The following APBB2 variants were observed in gnomAD, a reference collection of about 807,000 sequenced individuals.
The protein encoded by APBB2 is amyloid beta precursor protein binding family B member 2.
Under a neutral mutation model 82.5 loss-of-function variants are expected in APBB2, and 38 were observed. The ratio of observed to expected loss-of-function variants is 0.46; its 90% CI spans 0.36 to 0.60. The LOEUF (loss-of-function observed/expected upper bound fraction) is 0.60, where lower values mean the gene tolerates loss of function less well. APBB2 is among the 20% of genes least tolerant of loss of function. The pLI is 0.00. For missense variants in APBB2, 772 were observed against 972.3 expected, an observed-to-expected ratio of 0.79 and a Z score of 2.74; for synonymous variants, 341 against 368.2, an observed-to-expected ratio of 0.93 and a Z score of 0.85.
chr4:41,105,865 G>A (rs1580081368), intron 2 of APBB2, among the ~76,000 whole-genome samples: 1 of 140,648 alleles, frequency 7.1e-6, no homozygotes, highest in Non-Finnish European at 1.5e-5. Context: ...CAGCCTGGGC[G>A]ACAGAGCGAG....
intron 10 of APBB2, among the ~76,000 whole-genome samples, chr4:40,904,394 G>A (rs1776134215): frequency 6.6e-6 from 1 of 151,914 alleles, no homozygotes; most frequent in African/African-American, 2.4e-5. Flanking sequence ...TGGCGCCACT[G>A]CACTCCAGCC....
chr4:40,894,110 A>C (rs1772943567), intron 10 of APBB2, among the ~76,000 whole-genome samples: 1 of 152,048 alleles, frequency 6.6e-6, no homozygotes, highest in Admixed American at 6.6e-5. Flanking sequence ...AACACGGTGA[A>C]GCACCGTCTC....
chr4:40,959,049 C>T (rs1056941106), intron 6 of APBB2, among the ~76,000 whole-genome samples: 1 of 152,178 alleles, frequency 6.6e-6, no homozygotes, highest in African/African-American at 2.4e-5. Flanking sequence ...CAATACCAGG[C>T]AGGATTTATT....
At chr4:40,870,379 A>G (rs190786038) in intron 12 of APBB2, among the ~76,000 whole-genome samples, 1 of 152,234 alleles carries the variant, frequency 6.6e-6, no homozygotes, top group African/African-American at 2.4e-5. Flanking sequence ...ATATCTTACA[A>G]CCAAGCTGCA....
Position 40,816,224 on chromosome 4 carries a change from A to C in APBB2, c.2148T>G (p.Pro716=), listed in dbSNP as rs761032631. ...RYQKCLVARP[P]SQKVRPPPPP... is the part of the protein sequence containing the mutation. ...GTGGAGGTGGTCGAACTTTCTGAGA[A>C]GGCGGCCTGGCTACCAAGCACTTCT... Residue 716 remains proline, a synonymous_variant, in exon 18 of 18, where the codon CCT becomes CCG. Coordinates refer to ENST00000508593, the MANE Select transcript of APBB2 (RefSeq NM_004307.2). 6.2e-7 allele frequency: 1 copy of C among 1,614,208 alleles called. No homozygotes were observed. Among genetic ancestry groups the C allele is most frequent in the Admixed American group, 1.7e-5 (1 of 60,018 alleles).
At chr4:40,948,558 C>T (rs1452731712) in intron 6 of APBB2, among the ~76,000 whole-genome samples, 1 of 151,152 alleles carries the variant, frequency 6.6e-6, no homozygotes, top group Non-Finnish European at 1.5e-5. Flanking sequence ...GTCAGGAGTT[C>T]AAGACCACAC....
chr4:41,193,538 C>T (rs989725462), intron 1 of APBB2: 69 of 984,686 alleles, frequency 7.0e-5, no homozygotes, highest in African/African-American at 1.9e-4. Context: ...CCCTCCTGAG[C>T]TCTCCGAATG....
intron 1 of APBB2, among the ~76,000 whole-genome samples, chr4:41,202,647 G>A (rs7691440): frequency 0.1 from 15,653 of 152,056 alleles, 1,207 homozygotes; most frequent in African/African-American, 0.22. Context: ...TTCACATTGC[G>A]TTGTTTAACT....
At chr4:41,044,213 T>C (rs1340006307) in intron 4 of APBB2, among the ~76,000 whole-genome samples, 1 of 152,230 alleles carries the variant, frequency 6.6e-6, no homozygotes, top group Admixed American at 6.5e-5. Flanking sequence ...ACAGTTCATG[T>C]AAGAAAGAAG....
At chr4:41,119,809 G>A (rs1225393079) in intron 2 of APBB2, among the ~76,000 whole-genome samples, 1 of 152,166 alleles carries the variant, frequency 6.6e-6, no homozygotes, top group East Asian at 1.9e-4. Flanking sequence ...TGTGGAGCTG[G>A]CCTAAGAAAT....
intron 1 of APBB2, among the ~76,000 whole-genome samples, chr4:41,201,505 A>G (rs2154076471): frequency 6.6e-6 from 1 of 152,358 alleles, no homozygotes; most frequent in East Asian, 1.9e-4. Context: ...GAACTTTCAC[A>G]TGTTATCACA....
chr4:40,918,575 T>C (rs1232421190), intron 10 of APBB2, among the ~76,000 whole-genome samples: 1 of 152,174 alleles, frequency 6.6e-6, no homozygotes, highest in Non-Finnish European at 1.5e-5. Flanking sequence ...ACTCTCTCAA[T>C]AACAACACGA....
intron 4 of APBB2, among the ~76,000 whole-genome samples, chr4:41,062,818 A>C (rs1368717932): frequency 6.6e-6 from 1 of 152,174 alleles, no homozygotes; most frequent in Non-Finnish European, 1.5e-5. Context: ...AGGAGAAGAT[A>C]GTTTTCTCCT....
intron 1 of APBB2, among the ~76,000 whole-genome samples, chr4:41,158,039 C>T (rs1763929221): frequency 6.6e-6 from 1 of 152,038 alleles, no homozygotes; most frequent in Non-Finnish European, 1.5e-5. Context: ...CTCCAAAGTG[C>T]ATTTCCCAAG....
chr4:41,001,885 A>AAAAAG (rs1553903801), intron 6 of APBB2, among the ~76,000 whole-genome samples: 2 of 151,962 alleles, frequency 1.3e-5, no homozygotes, highest in African/African-American at 4.8e-5. Context: ...CTCAAAAAAA[A>AAAAAG]AAAAAGAAAA....
At chr4:41,209,664 C>T (rs1202967950) in intron 1 of APBB2, among the ~76,000 whole-genome samples, 1 of 152,214 alleles carries the variant, frequency 6.6e-6, no homozygotes, top group South Asian at 2.1e-4. Flanking sequence ...AGCAGAAAGT[C>T]TCCCCGCAGA....
chr4:41,060,554 T>G (rs1054087074), intron 4 of APBB2, among the ~76,000 whole-genome samples: 1 of 152,062 alleles, frequency 6.6e-6, no homozygotes, highest in Non-Finnish European at 1.5e-5. Context: ...GTAGATATAA[T>G]AGTGTCCTCA....
chr4:40,971,289 G>C (rs948876987), intron 6 of APBB2, among the ~76,000 whole-genome samples: 2 of 152,100 alleles, frequency 1.3e-5, no homozygotes, highest in Admixed American at 1.3e-4. Context: ...TTTTAAACCT[G>C]AATTCTCTTA....
chr4:41,185,191 C>T (rs966685457), intron 1 of APBB2, among the ~76,000 whole-genome samples: 1 of 152,036 alleles, frequency 6.6e-6, no homozygotes, highest in Non-Finnish European at 1.5e-5. Context: ...ATGACTGGCC[C>T]CTGGATACAA....
Sources: gnomAD v4.1 joint callset for allele counts (sites outside exome capture counted in the v4.1 genomes callset) on GRCh38, gnomAD v4.1.1 for gene constraint, MANE v1.5 for transcripts, NCBI Gene and HGNC (gene_info 2026-07-23, HGNC 2026-07-21) for gene names.